Variants in PDE4D observed in about 807,000 individuals in gnomAD.
PDE4D encodes the protein phosphodiesterase 4D.
A neutral mutation model predicts 87.4 loss-of-function variants in PDE4D; 24 were observed. That is an observed-to-expected ratio of 0.27 (90% CI 0.20 to 0.39). The LOEUF (loss-of-function observed/expected upper bound fraction) is 0.39, where lower values mean the gene tolerates loss of function less well. Among genes scored for constraint, PDE4D ranks in the 10% least tolerant of loss-of-function variants. The pLI, the probability that PDE4D is intolerant of heterozygous loss-of-function variation, is 1.00. For missense variants in PDE4D, 714 were observed against 1,041.0 expected, an observed-to-expected ratio of 0.69 and a Z score of 4.32; for synonymous variants, 384 against 383.2, an observed-to-expected ratio of 1.00 and a Z score of -0.02.
At chr5:60,058,072 C>G (rs967537104) in intron 2 of PDE4D, among the ~76,000 whole-genome samples, 8 of 151,734 alleles carry the variant, frequency 5.3e-5, no homozygotes, top group Admixed American at 2.6e-4. Context: ...TCAGTCAAAC[C>G]CAAGGAACAG....
chr5:59,305,192 T>G (rs780489787), intron 1 of PDE4D, among the ~76,000 whole-genome samples: 3 of 152,172 alleles, frequency 2.0e-5, no homozygotes, highest in Middle Eastern at 3.2e-3. Flanking sequence ...AAGGTGTTCA[T>G]AGTAGCCTTG....
At chr5:59,216,415 T>A (rs1024581100) in intron 1 of PDE4D, among the ~76,000 whole-genome samples, 8 of 152,162 alleles carry the variant, frequency 5.3e-5, no homozygotes, top group Non-Finnish European at 8.8e-5. Flanking sequence ...CAAGCATTAA[T>A]TTCTATTGTA....
At chr5:59,774,998 A>G (rs1203824754) in intron 1 of PDE4D, among the ~76,000 whole-genome samples, 1 of 152,120 alleles carries the variant, frequency 6.6e-6, no homozygotes, top group African/African-American at 2.4e-5. Flanking sequence ...CCTGGCCTAT[A>G]CCAGCAATTT....
intron 2 of PDE4D, among the ~76,000 whole-genome samples, chr5:60,122,925 T>G (rs1582768849): frequency 2.6e-5 from 4 of 152,298 alleles, no homozygotes; most frequent in Admixed American, 2.6e-4. Flanking sequence ...TGCTTAGAAA[T>G]TTCTTCCACC....
At chr5:59,931,613 C>G (rs1322760001) in intron 3 of PDE4D, among the ~76,000 whole-genome samples, 5 of 151,670 alleles carry the variant, frequency 3.3e-5, no homozygotes, top group Non-Finnish European at 7.4e-5. Context: ...ATCAATTAAT[C>G]TATTCTTGAG....
intron 5 of PDE4D, among the ~76,000 whole-genome samples, chr5:59,174,093 A>C (rs1783444242): frequency 2.0e-5 from 3 of 152,250 alleles, no homozygotes; most frequent in African/African-American, 7.2e-5. Context: ...ATAACAAAAA[A>C]ATAATTGTCC....
At chr5:60,259,902 C>A (rs1749467727) in intron 1 of PDE4D, among the ~76,000 whole-genome samples, 2 of 151,862 alleles carry the variant, frequency 1.3e-5, no homozygotes, top group East Asian at 1.9e-4. Context: ...AAAGTGGCTA[C>A]TTCTGCTTTG....
intron 1 of PDE4D, among the ~76,000 whole-genome samples, chr5:59,759,872 C>T (rs1761760853): frequency 6.6e-6 from 1 of 152,310 alleles, no homozygotes; most frequent in Non-Finnish European, 1.5e-5. Context: ...GGCAGCAATG[C>T]TCTTCTCCGG....
At chr5:59,286,264 G>A (rs774180260) in intron 1 of PDE4D, among the ~76,000 whole-genome samples, 3 of 152,138 alleles carry the variant, frequency 2.0e-5, no homozygotes, top group Non-Finnish European at 4.4e-5. Context: ...TGTTCCACAT[G>A]TTCTCTCATT....
chr5:59,399,528 T>C (rs1448329121), intron 1 of PDE4D, among the ~76,000 whole-genome samples: 5 of 133,930 alleles, frequency 3.7e-5, no homozygotes, highest in Admixed American at 1.5e-4. Flanking sequence ...TGGCTAGCCA[T>C]ATTTAGAAAG....
rs1333866213 is a variant in PDE4D at position 59,715,930 on chromosome 5, TAA to T, written c.455+177236_455+177237del. Among the ~76,000 whole-genome samples, 8 of 152,270 alleles carry T rather than the reference TAA, an allele frequency of 5.3e-5. No individual in the cohort carries two copies. The East Asian group carries it at 1.4e-3, about 26-fold the overall frequency. ...CACCCTGTGGGCATGTTTCTCCATT[TAA>T]AAGACTCCTTCAGCCTAGGGAGTAG... On this transcript the variant is annotated intron_variant, in intron 1 of 14. Coordinates refer to ENST00000340635, the MANE Select transcript of PDE4D (RefSeq NM_001104631.2).
At chr5:59,916,810 C>A (rs1261891838) in intron 3 of PDE4D, among the ~76,000 whole-genome samples, 2 of 151,376 alleles carry the variant, frequency 1.3e-5, no homozygotes, top group East Asian at 3.9e-4. Flanking sequence ...CTTTTTGAGA[C>A]AGAGTCTCAC....
intron 1 of PDE4D, among the ~76,000 whole-genome samples, chr5:59,404,305 T>A (rs1018906585): frequency 6.6e-6 from 1 of 152,194 alleles, no homozygotes. Flanking sequence ...TTTAACTTGA[T>A]GTGATCCCAT....
At chr5:59,150,650 T>C (rs1307145228) in intron 5 of PDE4D, among the ~76,000 whole-genome samples, 1 of 152,140 alleles carries the variant, frequency 6.6e-6, no homozygotes, top group Non-Finnish European at 1.5e-5. Flanking sequence ...AATTGTTAAA[T>C]GGACCTGGTC....
rs1191705394 is a variant in PDE4D at position 59,903,257 on chromosome 5, A to AT, written c.272+85230_272+85231insA. On this transcript the variant is annotated intron_variant, in intron 3 of 16. Coordinates refer to the PDE4D transcript ENST00000502484. ...TCACAGCAGGAATTAGTAATAACTA[A>AT]CAAGAACTCAGGACAGTTGCCTAAG... 9.9e-4 allele frequency among the ~76,000 whole-genome samples: 151 copies of AT among 152,304 alleles called. 1 individual carries two copies. Among genetic ancestry groups the AT allele is most frequent in the African/African-American group, 3.5e-3 (146 of 41,576 alleles).
At chr5:60,389,451 G>A (rs371300097) in intron 1 of PDE4D, among the ~76,000 whole-genome samples, 2 of 152,094 alleles carry the variant, frequency 1.3e-5, no homozygotes, top group East Asian at 3.8e-4. Context: ...CATGAAACCT[G>A]GTATTTCTCT....
intron 1 of PDE4D, among the ~76,000 whole-genome samples, chr5:59,766,699 C>G (rs1195383044): frequency 1.3e-5 from 2 of 152,258 alleles, no homozygotes; most frequent in Non-Finnish European, 2.9e-5. Context: ...TGCTCTGGCA[C>G]CCGATGCCTG....
chr5:59,818,536 C>A (rs1298070514), intron 1 of PDE4D, among the ~76,000 whole-genome samples: 1 of 152,182 alleles, frequency 6.6e-6, no homozygotes, highest in Non-Finnish European at 1.5e-5. Context: ...TCAATTAAAT[C>A]TTTTCTGAGC....
chr5:60,139,884 A>G (rs1780380943), intron 2 of PDE4D, among the ~76,000 whole-genome samples: 1 of 152,052 alleles, frequency 6.6e-6, no homozygotes, highest in East Asian at 1.9e-4. Flanking sequence ...AGTAGAATTA[A>G]ATGTCAAAGC....
Sources: allele counts gnomAD v4.1 joint callset (sites outside exome capture counted in the v4.1 genomes callset), GRCh38; gene constraint gnomAD v4.1.1; transcripts MANE v1.5; gene names NCBI Gene and HGNC (gene_info 2026-07-23, HGNC 2026-07-21).